RBFOX1: variants seen among roughly 807,000 people sequenced by gnomAD.
RBFOX1 encodes the protein RNA binding protein fox-1 homolog 1.
A neutral mutation model predicts 57.7 loss-of-function variants in RBFOX1; 8 were observed. That is an observed-to-expected ratio of 0.14 (90% CI 0.08 to 0.25). RBFOX1 has a LOEUF of 0.25. Ranked by LOEUF, RBFOX1 falls within the 10% of genes least tolerant of loss-of-function variation. The pLI, the probability that RBFOX1 is intolerant of heterozygous loss-of-function variation, is 1.00. For synonymous variants in RBFOX1, 326 were observed against 222.4 expected, an observed-to-expected ratio of 1.47 and a Z score of -4.15; for missense variants, 611 against 548.5, an observed-to-expected ratio of 1.11 and a Z score of -1.14.
Position 6,898,113 on chromosome 16 carries a change from C to T in RBFOX1, c.-15-153944C>T, listed in dbSNP as rs565172794. On this transcript the variant is annotated intron_variant, in intron 3 of 15. Transcript: ENST00000550418. ...TGAGGTGAACCGAGTAAATTCCACA[C>T]CATATTCAGGACCAATCTCTATTTT... 1.1e-4 allele frequency among the ~76,000 whole-genome samples: 16 copies of T among 152,326 alleles called. No individual in the cohort carries two copies. In the South Asian group the frequency reaches 2.5e-3, roughly 24 times the overall value.
intron 4 of RBFOX1, among the ~76,000 whole-genome samples, chr16:7,359,923 G>C (rs1238284992): frequency 6.6e-6 from 1 of 151,810 alleles, no homozygotes; most frequent in Non-Finnish European, 1.5e-5. Flanking sequence ...GGCGGAGCTT[G>C]CAGTGAGCCG....
chr16:6,922,243 G>C (rs1194794650), intron 3 of RBFOX1, among the ~76,000 whole-genome samples: 1 of 152,126 alleles, frequency 6.6e-6, no homozygotes, highest in Non-Finnish European at 1.5e-5. Context: ...ATCGATCTCA[G>C]AAAGACCTGA....
At chr16:6,887,667 ATT>A (rs55796944) in intron 3 of RBFOX1, among the ~76,000 whole-genome samples, 69 of 143,828 alleles carry the variant, frequency 4.8e-4, no homozygotes, top group African/African-American at 1.2e-3. Flanking sequence ...TTCCATAGTC[ATT>A]TTTTTTTTTT....
At chr16:7,014,682 C>A (rs78330888) in intron 3 of RBFOX1, among the ~76,000 whole-genome samples, 3 of 152,056 alleles carry the variant, frequency 2.0e-5, no homozygotes, top group Non-Finnish European at 4.4e-5. Flanking sequence ...GGAATGGAAT[C>A]TTGAGTGAGA....
At chr16:5,443,341 G>GT (rs2068142612) in intron 1 of RBFOX1, among the ~76,000 whole-genome samples, 1 of 151,984 alleles carries the variant, frequency 6.6e-6, no homozygotes, top group South Asian at 2.1e-4. Context: ...GCGTTTTGGT[G>GT]TTTTTTGTTT....
At chr16:5,450,400 A>T (rs766612859) in intron 1 of RBFOX1, among the ~76,000 whole-genome samples, 1 of 152,194 alleles carries the variant, frequency 6.6e-6, no homozygotes, top group Non-Finnish European at 1.5e-5. Context: ...GCCTGGGCAC[A>T]TGCAGACCAC....
chr16:6,876,487 TTCA>T (rs2061869583), intron 3 of RBFOX1, among the ~76,000 whole-genome samples: 1 of 152,230 alleles, frequency 6.6e-6, no homozygotes, highest in African/African-American at 2.4e-5. Flanking sequence ...CTATTTTATC[TTCA>T]TCACATAGCG....
chr16:6,527,664 C>T (rs1160232784), intron 2 of RBFOX1, among the ~76,000 whole-genome samples: 3 of 151,944 alleles, frequency 2.0e-5, no homozygotes, highest in African/African-American at 4.8e-5. Flanking sequence ...GTGTTCAAAG[C>T]CACATATTTA....
At chr16:5,860,233 C>T (rs555175416) in intron 3 of RBFOX1, among the ~76,000 whole-genome samples, 1 of 152,252 alleles carries the variant, frequency 6.6e-6, no homozygotes, top group Non-Finnish European at 1.5e-5. Context: ...CAGACGCATG[C>T]CACCATGCCA....
intron 3 of RBFOX1, among the ~76,000 whole-genome samples, chr16:5,831,277 C>A (rs1025113996): frequency 1.3e-5 from 2 of 152,038 alleles, no homozygotes; most frequent in African/African-American, 4.8e-5. Context: ...AGTGAGTTTT[C>A]CAGAGATCTG....
chr16:7,105,791 T>G (rs200030693), intron 4 of RBFOX1, among the ~76,000 whole-genome samples: 4,854 of 151,582 alleles, frequency 0.032, 140 homozygotes, highest in South Asian at 0.082. Flanking sequence ...TATATAGAGA[T>G]AGATAGATAG....
chr16:5,548,385 T>C (rs1597479605), intron 2 of RBFOX1, among the ~76,000 whole-genome samples: 1 of 151,470 alleles, frequency 6.6e-6, no homozygotes, highest in East Asian at 1.9e-4. Context: ...AAATAAAAGT[T>C]GCAATTAAAA....
chr16:7,141,820 C>A (rs1218504875), intron 4 of RBFOX1, among the ~76,000 whole-genome samples: 2 of 152,104 alleles, frequency 1.3e-5, no homozygotes, highest in African/African-American at 4.8e-5. Flanking sequence ...ACCGCACCAG[C>A]CTTCTGACTG....
intron 3 of RBFOX1, among the ~76,000 whole-genome samples, chr16:5,824,102 A>T (rs1567589744): frequency 1.3e-5 from 2 of 152,096 alleles, no homozygotes; most frequent in East Asian, 1.9e-4. Flanking sequence ...GAGTTGCTTC[A>T]CCTCTCTGGG....
chr16:6,359,657 T>C (rs1175096265), intron 2 of RBFOX1, among the ~76,000 whole-genome samples: 1 of 152,212 alleles, frequency 6.6e-6, no homozygotes, highest in Non-Finnish European at 1.5e-5. Flanking sequence ...TTTATTCCTA[T>C]TGCTGGATGT....
intron 2 of RBFOX1, among the ~76,000 whole-genome samples, chr16:6,601,530 C>T (rs1000737703): frequency 3.9e-5 from 6 of 152,118 alleles, no homozygotes; most frequent in South Asian, 2.1e-4. Context: ...CCATTCTACT[C>T]ATAGTTTTGC....
In RBFOX1 at chr16:6,080,482, C is replaced by A. The variant is rs74859607; in HGVS notation, c.-127+60490C>A. Among the ~76,000 whole-genome samples, 499 of 152,250 alleles carry A rather than the reference C, an allele frequency of 3.3e-3. 2 individuals carry two copies. Among genetic ancestry groups the A allele is most frequent in the African/African-American group, 0.012 (482 of 41,542 alleles). On this transcript the variant is annotated intron_variant, in intron 1 of 15. Transcript: ENST00000550418. ...TCTTGCCAGCAAAACAGGTGTGATC[C>A]TCAGGGAGCCTCAAGTCTGGAGGGG...
chr16:7,119,545 T>A (rs781311754), intron 4 of RBFOX1, among the ~76,000 whole-genome samples: 3 of 152,038 alleles, frequency 2.0e-5, no homozygotes, highest in Non-Finnish European at 4.4e-5. Context: ...CACTTAGATA[T>A]GTTTCACTAC....
chr16:7,438,116 T>C (rs939201308), intron 4 of RBFOX1, among the ~76,000 whole-genome samples: 1 of 152,176 alleles, frequency 6.6e-6, no homozygotes, highest in African/African-American at 2.4e-5. Flanking sequence ...GCTATTAAAA[T>C]ACAAGTAAAT....
Sources: gnomAD v4.1 joint callset for allele counts (sites outside exome capture counted in the v4.1 genomes callset) on GRCh38, gnomAD v4.1.1 for gene constraint, MANE v1.5 for transcripts, NCBI Gene and HGNC (gene_info 2026-07-23, HGNC 2026-07-21) for gene names.